Variants in RNF180 observed in about 807,000 individuals in gnomAD.
The protein encoded by RNF180 is ring finger protein 180.
Under a neutral mutation model 59.2 loss-of-function variants are expected in RNF180, and 38 were observed. The observed-to-expected ratio is 0.64, with a 90% CI of 0.50 to 0.84. The LOEUF is 0.84. Ranked by LOEUF, RNF180 falls within the 40% of genes least tolerant of loss-of-function variation. The pLI is 0.00. For synonymous variants in RNF180, 262 were observed against 240.3 expected (o/e 1.09, Z -0.84); for missense variants, 705 against 700.9 (o/e 1.01, Z -0.07).
intron 1 of RNF180, among the ~76,000 whole-genome samples, chr5:64,182,767 AG>A (rs1750671474): frequency 6.6e-6 from 1 of 152,204 alleles, no homozygotes; most frequent in Non-Finnish European, 1.5e-5. Context: ...AGTACACAAA[AG>A]CAAAGAAAAA....
chr5:64,169,895 C>G (rs1365434824), intron 1 of RNF180, among the ~76,000 whole-genome samples: 1 of 152,214 alleles, frequency 6.6e-6, no homozygotes, highest in Non-Finnish European at 1.5e-5. Flanking sequence ...TTGTATTACT[C>G]TAAGCCATAG....
intron 5 of RNF180, among the ~76,000 whole-genome samples, chr5:64,313,465 C>T (rs778581418): frequency 1.3e-5 from 2 of 152,090 alleles, no homozygotes; most frequent in African/African-American, 2.4e-5. Flanking sequence ...GCTCCATCCA[C>T]GTTGCTGAAA....
chr5:64,197,008 C>G (rs1242082611), intron 1 of RNF180, among the ~76,000 whole-genome samples: 2 of 152,062 alleles, frequency 1.3e-5, no homozygotes, highest in Non-Finnish European at 2.9e-5. Flanking sequence ...CACCTCATCT[C>G]AAGTTTCAAT....
chr5:64,211,644 C>A (rs1752318263), intron 2 of RNF180, among the ~76,000 whole-genome samples: 1 of 152,142 alleles, frequency 6.6e-6, no homozygotes, highest in South Asian at 2.1e-4. Flanking sequence ...TCTGCACATC[C>A]ATCCAGCATC....
At chr5:64,198,289 C>T (rs988978716) in intron 1 of RNF180, among the ~76,000 whole-genome samples, 1 of 152,090 alleles carries the variant, frequency 6.6e-6, no homozygotes, top group Non-Finnish European at 1.5e-5. Context: ...CTAGTAGCTA[C>T]TGTATAGAAT....
chr5:64,236,125 A>C (rs1375449433), intron 5 of RNF180, among the ~76,000 whole-genome samples: 1 of 152,250 alleles, frequency 6.6e-6, no homozygotes, highest in Non-Finnish European at 1.5e-5. Context: ...GATGTGGGAA[A>C]GTTTGAAACT....
intron 7 of RNF180, 93 bp from the exon 8 acceptor site, chr5:64,369,522 G>A (rs1300439247): frequency 2.9e-5 from 20 of 687,982 alleles, no homozygotes; most frequent in South Asian, 2.3e-4. Context: ...AGTGAAATCA[G>A]GATATGCTTT....
At chr5:64,201,868 T>A (rs1423389566) in intron 2 of RNF180, among the ~76,000 whole-genome samples, 2 of 152,186 alleles carry the variant, frequency 1.3e-5, no homozygotes, top group African/African-American at 4.8e-5. Flanking sequence ...GCCTCCCAAG[T>A]AGCTGGGATT....
intron 3 of RNF180, among the ~76,000 whole-genome samples, chr5:64,212,757 G>A (rs1752375981): frequency 6.6e-6 from 1 of 152,148 alleles, no homozygotes; most frequent in African/African-American, 2.4e-5. Flanking sequence ...CCTGGTATGT[G>A]TAGTTATTTT....
chr5:64,240,927 A>C (rs62372497), intron 5 of RNF180, among the ~76,000 whole-genome samples: 11,688 of 152,286 alleles, frequency 0.077, 639 homozygotes, highest in Non-Finnish European at 0.12. Flanking sequence ...GCCACCTAAT[A>C]CATATTTTAA....
intron 5 of RNF180, among the ~76,000 whole-genome samples, chr5:64,299,879 G>A (rs1441243323): frequency 6.6e-6 from 1 of 151,790 alleles, no homozygotes; most frequent in African/African-American, 2.4e-5. Flanking sequence ...TTTTTAAGTT[G>A]CATGCTGTTC....
intron 7 of RNF180, among the ~76,000 whole-genome samples, chr5:64,344,409 A>G (rs1745474005): frequency 6.6e-6 from 1 of 152,186 alleles, no homozygotes; most frequent in Admixed American, 6.6e-5. Context: ...ATAAATTTGT[A>G]TGCAACTTAA....
chr5:64,342,553 C>T (rs978974446), intron 7 of RNF180, among the ~76,000 whole-genome samples: 1 of 152,078 alleles, frequency 6.6e-6, no homozygotes, highest in African/African-American at 2.4e-5. Context: ...CTTGTAGTCT[C>T]AGAGTTTAGG....
At chr5:64,244,413 A>G (rs1743021363) in intron 5 of RNF180, among the ~76,000 whole-genome samples, 1 of 152,160 alleles carries the variant, frequency 6.6e-6, no homozygotes, top group Non-Finnish European at 1.5e-5. Flanking sequence ...TGGAGCTGAA[A>G]AAAAACAGCA....
At chr5:64,227,847 T>C (rs1269771824) in intron 5 of RNF180, among the ~76,000 whole-genome samples, 4 of 152,170 alleles carry the variant, frequency 2.6e-5, no homozygotes, top group Non-Finnish European at 5.9e-5. Flanking sequence ...GCACATTTGG[T>C]TTTATTTACC....
intron 5 of RNF180, among the ~76,000 whole-genome samples, chr5:64,319,626 C>T (rs982231668): frequency 4.6e-5 from 7 of 152,180 alleles, no homozygotes; most frequent in Non-Finnish European, 7.4e-5. Flanking sequence ...CTTTCCTACT[C>T]CCATTGGGTG....
At chr5:64,252,178 A>G (rs760753075) in intron 5 of RNF180, among the ~76,000 whole-genome samples, 16 of 152,182 alleles carry the variant, frequency 1.1e-4, no homozygotes, top group South Asian at 2.1e-4. Flanking sequence ...CATAAAAACA[A>G]ACACATATAC....
chr5:64,201,762 T>G (rs1192304530), intron 2 of RNF180, among the ~76,000 whole-genome samples: 1 of 152,206 alleles, frequency 6.6e-6, no homozygotes, highest in Admixed American at 6.5e-5. Context: ...ATTTTGGAGA[T>G]GGAGTCTTGC....
intron 7 of RNF180, among the ~76,000 whole-genome samples, chr5:64,338,634 C>CAA (rs201803022): frequency 3.7e-4 from 38 of 102,634 alleles, no homozygotes; most frequent in African/African-American, 1.2e-3. Context: ...GACTCCATCT[C>CAA]AAAAAAAAAA....
Sources: gnomAD v4.1 joint callset for allele counts (sites outside exome capture counted in the v4.1 genomes callset) on GRCh38, gnomAD v4.1.1 for gene constraint, MANE v1.5 for transcripts, NCBI Gene and HGNC (gene_info 2026-07-23, HGNC 2026-07-21) for gene names.